The following CHAF1A variants were observed in gnomAD, a reference collection of about 807,000 sequenced individuals.
CHAF1A encodes chromatin assembly factor 1 subunit A.
A neutral mutation model predicts 93.2 loss-of-function variants in CHAF1A; 5 were observed. The observed-to-expected ratio is 0.05, with a 90% CI of 0.03 to 0.11. CHAF1A has a LOEUF of 0.11. Among genes scored for constraint, CHAF1A ranks in the 10% least tolerant of loss-of-function variants. The pLI, the probability that CHAF1A is intolerant of heterozygous loss-of-function variation, is 1.00. For missense variants in CHAF1A, 1,102 were observed against 1,259.9 expected (o/e 0.87, Z 1.90); for synonymous variants, 504 against 510.3 (o/e 0.99, Z 0.17).
At chr19:4,406,049 C>A in intron 2 of CHAF1A, 87 bp downstream of exon 2, 3 of 1,058,582 alleles carry the variant, frequency 2.8e-6, no homozygotes, top group South Asian at 1.3e-5. Flanking sequence ...AAGCCTGGAG[C>A]TAGAGGGGAG....
Position 4,410,851 on chromosome 19 carries a change from G to A in CHAF1A, c.960+1092G>A, listed in dbSNP as rs186270109. On this transcript the variant is annotated intron_variant, in intron 3 of 14. Coordinates refer to ENST00000301280, the MANE Select transcript of CHAF1A (RefSeq NM_005483.3). ...GGGTGACAGAGCGAGACCCCATCTG[G>A]AACCATTTTTAAGGACCCCATAAGG... 5.4e-3 allele frequency among the ~76,000 whole-genome samples: 825 copies of A among 152,232 alleles called. 10 individuals are homozygous for A. The highest frequency in any genetic ancestry group is 0.02 in the Middle Eastern group (6 of 294).
rs150699024 is a variant in CHAF1A, at chr19:4,433,331, C to T, written c.2465C>T (p.Pro822Leu). 19 of 1,613,878 alleles carry T rather than the reference C, an allele frequency of 1.2e-5. No homozygotes were observed. The highest frequency in any genetic ancestry group is 1.6e-4 in the Middle Eastern group (1 of 6,084). The change falls in exon 13 of 15, where the codon CCG (proline) becomes CTG (leucine). Residue 822 changes from proline (P) to leucine (L), a missense_variant. Pro to Leu is a moderately conservative substitution (Grantham distance 98, BLOSUM62 -3). This residue lies in a region of CHAF1A where 76 missense variants were observed against 129.8 expected (regional missense o/e 0.59). Transcript: ENST00000301280. This position sits in a 1 kb window ranked among gnomAD's most constrained non-coding sequence, Gnocchi z 5.6. ...PDFRMCWYVH[P>L]QVLQSFQQEH... Reference sequence around the variant, plus strand: ...TTCAGGATGTGCTGGTACGTGCACCCGCAGGTGCTACAGAGCTTCCAGCAG... The same window carrying T: ...TTCAGGATGTGCTGGTACGTGCACCTGCAGGTGCTACAGAGCTTCCAGCAG...
intron 13 of CHAF1A, among the ~76,000 whole-genome samples, chr19:4,438,140 GGGGTTT>G (rs1424733716): frequency 6.6e-6 from 1 of 152,074 alleles, no homozygotes; most frequent in Non-Finnish European, 1.5e-5. Context: ...TCATGTCACG[GGGGTTT>G]GGTGTATAGA....
chr19:4,442,395 A>T, intron 14 of CHAF1A, 54 bp downstream of exon 14: 1 of 1,400,750 alleles, frequency 7.1e-7, no homozygotes, highest in Non-Finnish European at 9.9e-7. Context: ...GCTGGAGGTA[A>T]ACCTCAACAG....
chr19:4,420,431 C>T (rs1312306759), intron 4 of CHAF1A, among the ~76,000 whole-genome samples: 2 of 151,910 alleles, frequency 1.3e-5, no homozygotes, highest in Non-Finnish European at 2.9e-5. Flanking sequence ...TTAGTAGAGA[C>T]GGGGTTTCAC....
chr19:4,445,766 C>A, downstream of CHAF1A: 1 of 1,350,380 alleles, frequency 7.4e-7, no homozygotes, highest in Non-Finnish European at 9.9e-7. Flanking sequence ...ACCCAGGCCT[C>A]CTGCCCTCTC....
downstream of CHAF1A, chr19:4,445,286 C>T (rs74995992): frequency 6.6e-6 from 5 of 752,052 alleles, no homozygotes; most frequent in East Asian, 2.7e-5. Flanking sequence ...AGGCCTCTCC[C>T]TCGGGGGCTT....
chr19:4,428,618 T>C lies in CHAF1A; in HGVS notation c.1378-46T>C, dbSNP rs749596685. The C allele has an allele frequency of 1.2e-5, 19 of 1,539,648 alleles. No homozygotes were observed. The South Asian group carries it at 2.1e-4, about 17-fold the overall frequency. On this transcript the variant is annotated intron_variant, in intron 7 of 14. Transcript: ENST00000301280. ...GCTGTGTGCGTCCATGGTGCCTCCT[T>C]TCTCCCATTGCTCGAAGACCCCATC...
At chr19:4,438,179 T>C (rs1408491559) in intron 13 of CHAF1A, among the ~76,000 whole-genome samples, 1 of 152,132 alleles carries the variant, frequency 6.6e-6, no homozygotes, top group African/African-American at 2.4e-5. Context: ...TACTAAGGTA[T>C]TTTTTCTGAA....
intron 13 of CHAF1A, among the ~76,000 whole-genome samples, chr19:4,434,843 C>T (rs8104505): frequency 0.048 from 7,230 of 152,094 alleles, 366 homozygotes; most frequent in African/African-American, 0.13. Flanking sequence ...CAGACAGGAG[C>T]CTGTAAGGGG....
downstream of CHAF1A, among the ~76,000 whole-genome samples, chr19:4,444,392 A>G (rs1398268970): frequency 6.6e-6 from 1 of 152,130 alleles, no homozygotes; most frequent in Non-Finnish European, 1.5e-5. Flanking sequence ...GCTTAAAGCA[A>G]GTCACCATCT....
At chr19:4,438,692 A>C (rs1383422375) in intron 13 of CHAF1A, among the ~76,000 whole-genome samples, 1 of 152,164 alleles carries the variant, frequency 6.6e-6, no homozygotes, top group Non-Finnish European at 1.5e-5. Context: ...AAAACTAAAG[A>C]AGCATAGATG....
chr19:4,439,648 C>T (rs1006859177), intron 13 of CHAF1A, among the ~76,000 whole-genome samples: 4 of 152,364 alleles, frequency 2.6e-5, no homozygotes, highest in East Asian at 1.9e-4. Flanking sequence ...TTTTGTTTAA[C>T]GTCCCCAGAC....
At chr19:4,446,214 T>C (rs1974513710), downstream of CHAF1A, 1 of 1,589,006 alleles carries the variant, frequency 6.3e-7, no homozygotes, top group Non-Finnish European at 8.5e-7. Context: ...AGTGGGGGAG[T>C]CAGAGCGGGT....
chr19:4,438,047 CTTG>C (rs1411247972), intron 13 of CHAF1A, among the ~76,000 whole-genome samples: 1 of 151,984 alleles, frequency 6.6e-6, no homozygotes, highest in Non-Finnish European at 1.5e-5. Context: ...GGCATCTTTT[CTTG>C]TTGTTAAATT....
At chr19:4,421,335 A>G (rs1229043748) in intron 4 of CHAF1A, among the ~76,000 whole-genome samples, 1 of 151,994 alleles carries the variant, frequency 6.6e-6, no homozygotes, top group Non-Finnish European at 1.5e-5. Flanking sequence ...CAGCCTCCCA[A>G]AGTGCTGGGA....
chr19:4,431,870 G>C (rs1016297591), intron 11 of CHAF1A, 82 bp from the exon 12 acceptor site: 8 of 1,518,990 alleles, frequency 5.3e-6, no homozygotes, highest in Non-Finnish European at 7.1e-6. Flanking sequence ...TCCCCAGCTG[G>C]CTGGGGACTG....
chr19:4,409,363 T>C lies in CHAF1A; in HGVS notation c.564T>C (p.Val188=). The C allele has an allele frequency of 6.2e-7, 1 of 1,614,036 alleles. No individual in the cohort carries two copies. Among genetic ancestry groups the C allele is most frequent in the South Asian group, 1.1e-5 (1 of 91,070 alleles). The change falls in exon 3 of 15, where the codon GTT becomes GTC. Residue 188 remains valine (V), a synonymous_variant. Coordinates refer to ENST00000301280, the MANE Select transcript of CHAF1A (RefSeq NM_005483.3). Reference sequence around the variant, plus strand: ...CTTGCAAAACAGAGGAGGAGGGTGTTGGCTGTGGAGGTGCAGGGAGGAGAG... The same window carrying C: ...CTTGCAAAACAGAGGAGGAGGGTGTCGGCTGTGGAGGTGCAGGGAGGAGAG... ...DIPCKTEEEG[V]GCGGAGRRGD...
chr19:4,428,451 G>GT (rs1430219952), intron 7 of CHAF1A, among the ~76,000 whole-genome samples: 1 of 152,142 alleles, frequency 6.6e-6, no homozygotes, highest in Non-Finnish European at 1.5e-5. Flanking sequence ...CTTGTAGTCT[G>GT]TCCCCCCACC....
Sources: allele counts gnomAD v4.1 joint callset (sites outside exome capture counted in the v4.1 genomes callset), GRCh38; gene constraint gnomAD v4.1.1; regional missense constraint gnomAD v4.1.1; non-coding constraint Gnocchi (gnomAD v3.1); transcripts MANE v1.5; gene names NCBI Gene and HGNC (gene_info 2026-07-23, HGNC 2026-07-21).